Variants in CDK15 observed in about 807,000 individuals in gnomAD.
CDK15 encodes the protein cyclin dependent kinase 15.
A neutral mutation model predicts 60.3 loss-of-function variants in CDK15; 62 were observed. That is an observed-to-expected ratio of 1.03 (90% confidence interval 0.84 to 1.27). The LOEUF is 1.27. Among genes scored for constraint, CDK15 ranks in the 50% most tolerant of loss-of-function variants. The pLI, the probability that CDK15 is intolerant of heterozygous loss-of-function variation, is 0.00. For missense variants in CDK15, 541 were observed against 527.8 expected (o/e 1.03, Z -0.25); for synonymous variants, 194 against 195.7 (o/e 0.99, Z 0.07).
chr2:201,823,848 T>A (rs1244520556), intron 6 of CDK15, 121 bp downstream of exon 6: 1 of 769,088 alleles, frequency 1.3e-6, no homozygotes, highest in Non-Finnish European at 2.1e-6. Context: ...ATCACTGATA[T>A]TCCAGAAAAA....
intron 9 of CDK15, among the ~76,000 whole-genome samples, chr2:201,854,190 G>A (rs111546579): frequency 2.6e-5 from 4 of 151,876 alleles, no homozygotes; most frequent in African/African-American, 4.8e-5. Flanking sequence ...AAAAAACATC[G>A]GTAATTCAAA....
At chr2:201,821,908 T>C (rs1298352332) in intron 4 of CDK15, among the ~76,000 whole-genome samples, 2 of 152,204 alleles carry the variant, frequency 1.3e-5, no homozygotes, top group African/African-American at 4.8e-5. Flanking sequence ...CTCAAACTCC[T>C]GACCTCAGGT....
intron 4 of CDK15, among the ~76,000 whole-genome samples, chr2:201,818,254 T>C (rs1696075881): frequency 6.6e-6 from 1 of 152,204 alleles, no homozygotes; most frequent in Admixed American, 6.5e-5. Flanking sequence ...AGGCCTTCAT[T>C]ACATAGAGCG....
intron 3 of CDK15, among the ~76,000 whole-genome samples, chr2:201,810,199 A>G (rs1476500356): frequency 6.6e-6 from 1 of 152,190 alleles, no homozygotes. Context: ...ATGATAAGGC[A>G]AACAAAAGAA....
intron 10 of CDK15, among the ~76,000 whole-genome samples, chr2:201,863,539 C>T (rs111987737): frequency 6.9e-4 from 105 of 152,284 alleles, no homozygotes; most frequent in African/African-American, 2.5e-3. Context: ...CAGTGCTTTG[C>T]ACCATCAAGC....
At chr2:201,822,694 TA>T in intron 4 of CDK15, 114 bp from the exon 5 acceptor site, 1 of 585,718 alleles carries the variant, frequency 1.7e-6, no homozygotes, top group Admixed American at 2.9e-5. Context: ...TTTCCAGCAG[TA>T]AAATAACCAG....
intron 10 of CDK15, among the ~76,000 whole-genome samples, chr2:201,861,897 G>T (rs1698417907): frequency 6.6e-6 from 1 of 152,146 alleles, no homozygotes; most frequent in African/African-American, 2.4e-5. Context: ...GCTGCTCAGT[G>T]ACTTGCCATG....
In CDK15 at chr2:201,881,073, C is replaced by A. The variant is rs368773601; in HGVS notation, c.1198+906C>A. On this transcript the variant is annotated intron_variant, in intron 12 of 13. Coordinates refer to ENST00000652192, the MANE Select transcript of CDK15 (RefSeq NM_001366386.2). ...ACTGCGATGAGGACACTGGAAGGGG[C>A]GTGGGGGAGTGGCGATGGGGTGCAG... 2.9e-3 allele frequency among the ~76,000 whole-genome samples: 439 copies of A among 151,864 alleles called. 7 individuals are homozygous for A. Among genetic ancestry groups the A allele is most frequent in the African/African-American group, 0.01 (415 of 41,398 alleles).
rs1399328181 is a variant in CDK15, at chr2:201,888,640, G to A, written c.1199-2145G>A. 3 of 1,386,858 alleles carry A rather than the reference G, an allele frequency of 2.2e-6. No individual in the cohort carries two copies. In the African/African-American group the frequency reaches 4.4e-5, roughly 20 times the overall value. The allele number at this position is 1,386,858 out of a possible 1,614,324, so 85.9% of individuals were successfully genotyped here. On this transcript the variant is annotated intron_variant, in intron 12 of 13. Coordinates refer to ENST00000652192, the MANE Select transcript of CDK15 (RefSeq NM_001366386.2). ...CTTTTTCTATGAGTTGGGAAGGAGA[G>A]TCTGGCAGTCCACAGCCAAATTGGA...
chr2:201,842,177 G>A (rs1023515524), intron 8 of CDK15, among the ~76,000 whole-genome samples: 5 of 152,104 alleles, frequency 3.3e-5, no homozygotes, highest in Non-Finnish European at 4.4e-5. Context: ...TGGTAACCAC[G>A]ATTCTGCTTT....
At chr2:201,861,555 T>G (rs1193296983) in intron 10 of CDK15, 7 of 972,772 alleles carry the variant, frequency 7.2e-6, no homozygotes, top group South Asian at 4.7e-5. Flanking sequence ...TGGTTTGTTT[T>G]TTTTTTTTTC....
chr2:201,867,590 C>CA (rs1698683715), intron 10 of CDK15, among the ~76,000 whole-genome samples: 1 of 152,116 alleles, frequency 6.6e-6, no homozygotes, highest in South Asian at 2.1e-4. Context: ...ATGCTCATGC[C>CA]ATTGCACTCC....
chr2:201,860,757 G>GA, intron 10 of CDK15: 1 of 1,352,138 alleles, frequency 7.4e-7, no homozygotes, highest in Non-Finnish European at 9.8e-7. Context: ...GCAAGAAACA[G>GA]CATGGATGGC....
rs371256915 is a variant in CDK15, at chr2:201,854,932, A to G, written c.1004A>G (p.Asn335Ser). ...GGAGTCTCCAAGCTACCTAACTACA[A>G]TCCAGGTAATATTGATCTGAGCTTC... ...WPGVSKLPNY[N>S]PEWFPLPTPR... Residue 335 changes from asparagine to serine, a missense_variant, in exon 10 of 14, where the codon AAT (asparagine) becomes AGT (serine). Coordinates refer to ENST00000652192, the MANE Select transcript of CDK15 (RefSeq NM_001366386.2). 3.1e-6 allele frequency: 5 copies of G among 1,613,818 alleles called. No individual in the cohort carries two copies. The highest frequency in any genetic ancestry group is 1.3e-5 in the African/African-American group (1 of 75,032).
At chr2:201,838,869 C>T (rs1697244558) in intron 8 of CDK15, among the ~76,000 whole-genome samples, 1 of 152,160 alleles carries the variant, frequency 6.6e-6, no homozygotes, top group African/African-American at 2.4e-5. Context: ...TCAGTATTCT[C>T]ATATCTTTTT....
chr2:201,811,309 C>A (rs1574844426), intron 3 of CDK15, among the ~76,000 whole-genome samples: 2 of 152,070 alleles, frequency 1.3e-5, no homozygotes, highest in South Asian at 4.1e-4. Flanking sequence ...CACCACCACA[C>A]CCGGCTAATT....
rs531798583 is a variant in CDK15 at position 201,827,606 on chromosome 2, GTGTT to G, written c.606+3893_606+3896del. Reference sequence around the variant, plus strand: ...GACTAGAGTCAGGGATTCCACTTAAGTGTTTGTTTGTTTGTTTTGAGACAGAGTC... The same window carrying G: ...GACTAGAGTCAGGGATTCCACTTAAGTGTTTGTTTGTTTTGAGACAGAGTC... On this transcript the variant is annotated intron_variant, in intron 6 of 13. Coordinates refer to ENST00000652192, the MANE Select transcript of CDK15 (RefSeq NM_001366386.2). Among the ~76,000 whole-genome samples, 338 of 152,236 alleles carry G rather than the reference GTGTT, an allele frequency of 2.2e-3. 3 individuals are homozygous for G. Among genetic ancestry groups the G allele is most frequent in the African/African-American group, 7.8e-3 (324 of 41,556 alleles).
intron 10 of CDK15, among the ~76,000 whole-genome samples, 184 bp from the exon 11 acceptor site, chr2:201,872,094 G>A (rs1698868878): frequency 6.6e-6 from 1 of 152,072 alleles, no homozygotes; most frequent in South Asian, 2.1e-4. Context: ...CCATAATAGT[G>A]ACCTTTCACC....
At chr2:201,853,978 G>A (rs983290169) in intron 9 of CDK15, among the ~76,000 whole-genome samples, 3 of 151,972 alleles carry the variant, frequency 2.0e-5, no homozygotes, top group Non-Finnish European at 4.4e-5. Flanking sequence ...TGGCCAACAC[G>A]GTGAAACCCC....
Sources: allele counts gnomAD v4.1 joint callset (sites outside exome capture counted in the v4.1 genomes callset), GRCh38; gene constraint gnomAD v4.1.1; transcripts MANE v1.5; gene names NCBI Gene and HGNC (gene_info 2026-07-23, HGNC 2026-07-21).